DPP10: variants seen among roughly 807,000 people sequenced by gnomAD.
The protein encoded by DPP10 is dipeptidyl peptidase like 10.
A neutral mutation model predicts 120.9 loss-of-function variants in DPP10; 33 were observed. That is an observed-to-expected ratio of 0.27 (90% CI 0.21 to 0.37). DPP10 has a LOEUF of 0.37. Among genes scored for constraint, DPP10 ranks in the 10% least tolerant of loss-of-function variants. The pLI is 1.00. For missense variants in DPP10, 816 were observed against 942.8 expected, an observed-to-expected ratio of 0.87 and a Z score of 1.76; for synonymous variants, 337 against 326.1, an observed-to-expected ratio of 1.03 and a Z score of -0.36.
intron 5 of DPP10, among the ~76,000 whole-genome samples, chr2:115,567,924 C>T (rs1234724630): frequency 2.6e-5 from 4 of 152,148 alleles, no homozygotes; most frequent in Admixed American, 1.3e-4. Flanking sequence ...GCCTGTAATC[C>T]CAGCACTTTG....
intron 2 of DPP10, among the ~76,000 whole-genome samples, chr2:115,311,188 G>T (rs1391211146): frequency 6.6e-6 from 1 of 152,126 alleles, no homozygotes; most frequent in African/African-American, 2.4e-5. Flanking sequence ...CAGTAGTTTT[G>T]TGCAATTTGG....
intron 1 of DPP10, among the ~76,000 whole-genome samples, chr2:114,454,535 T>C (rs971083219): frequency 3.9e-5 from 6 of 152,210 alleles, no homozygotes; most frequent in African/African-American, 1.4e-4. Context: ...CCGCCAGCTC[T>C]AAGGAACTAG....
chr2:115,826,447 C>T (rs933126568), intron 21 of DPP10, among the ~76,000 whole-genome samples: 46 of 152,202 alleles, frequency 3.0e-4, no homozygotes, highest in African/African-American at 1.0e-3. Flanking sequence ...CTTGGCCGGG[C>T]ATGGTGGCTC....
At chr2:115,741,837 C>A (rs1243445538) in intron 9 of DPP10, among the ~76,000 whole-genome samples, 1 of 152,050 alleles carries the variant, frequency 6.6e-6, no homozygotes, top group Non-Finnish European at 1.5e-5. Context: ...CTTGGCCATG[C>A]CTAGGCCTCA....
intron 15 of DPP10, among the ~76,000 whole-genome samples, chr2:115,778,853 G>T (rs922908666): frequency 6.6e-6 from 1 of 151,932 alleles, no homozygotes; most frequent in Non-Finnish European, 1.5e-5. Context: ...CTCCTGGAAC[G>T]CATGTTCTTA....
intron 1 of DPP10, among the ~76,000 whole-genome samples, chr2:115,072,236 A>G (rs981542846): frequency 6.6e-6 from 1 of 152,226 alleles, no homozygotes; most frequent in African/African-American, 2.4e-5. Flanking sequence ...GAAGAGGCTG[A>G]CAATCAGACT....
At chr2:115,018,945 C>T (rs753848052) in intron 1 of DPP10, among the ~76,000 whole-genome samples, 7 of 151,948 alleles carry the variant, frequency 4.6e-5, no homozygotes, top group African/African-American at 1.5e-4. Context: ...CCACTTCTGC[C>T]GCTGGTCTAG....
chr2:115,698,287 A>G (rs755629173), intron 7 of DPP10, among the ~76,000 whole-genome samples: 42 of 152,198 alleles, frequency 2.8e-4, no homozygotes, highest in Non-Finnish European at 5.9e-5. Context: ...AAATTACAGA[A>G]AAATTAGAAA....
intron 12 of DPP10, among the ~76,000 whole-genome samples, chr2:115,766,016 A>G (rs1680662590): frequency 6.6e-6 from 1 of 151,968 alleles, no homozygotes; most frequent in Non-Finnish European, 1.5e-5. Context: ...TTATTAATTG[A>G]CTGATTCATT....
chr2:115,190,343 A>ATT (rs79111453), intron 1 of DPP10, among the ~76,000 whole-genome samples: 2 of 151,184 alleles, frequency 1.3e-5, no homozygotes, highest in Non-Finnish European at 2.9e-5. Flanking sequence ...TTCTTCTACA[A>ATT]TTTTTTTTTA....
intron 1 of DPP10, among the ~76,000 whole-genome samples, chr2:114,686,654 C>T (rs1699389034): frequency 1.3e-5 from 2 of 151,924 alleles, no homozygotes; most frequent in South Asian, 4.1e-4. Context: ...ACATTAGACT[C>T]ATCCCTATGA....
intron 2 of DPP10, among the ~76,000 whole-genome samples, chr2:115,333,633 T>G (rs998432772): frequency 1.5e-4 from 23 of 152,292 alleles, no homozygotes; most frequent in Admixed American, 2.6e-4. Flanking sequence ...TGACAAAATC[T>G]CTCAGCATTT....
chr2:115,374,756 A>G (rs952721106), intron 3 of DPP10, among the ~76,000 whole-genome samples: 1 of 152,206 alleles, frequency 6.6e-6, no homozygotes, highest in Non-Finnish European at 1.5e-5. Context: ...AGCCACCAAG[A>G]CTTGAGGCTT....
At chr2:115,561,132 T>A (rs1272195694) in intron 5 of DPP10, among the ~76,000 whole-genome samples, 1 of 152,034 alleles carries the variant, frequency 6.6e-6, no homozygotes, top group Non-Finnish European at 1.5e-5. Context: ...GTGGATTGTC[T>A]GAGCTCAGGA....
intron 5 of DPP10, among the ~76,000 whole-genome samples, chr2:115,582,231 C>T (rs1199241502): frequency 2.0e-5 from 3 of 151,736 alleles, no homozygotes; most frequent in African/African-American, 2.4e-5. Flanking sequence ...GCCAGCGTGT[C>T]GGAGGTGCTG....
chr2:115,387,782 A>C (rs2067049137), intron 3 of DPP10, among the ~76,000 whole-genome samples: 1 of 152,212 alleles, frequency 6.6e-6, no homozygotes, highest in African/African-American at 2.4e-5. Context: ...GTCAGTGGCT[A>C]AAGGTAAATA....
chr2:115,738,612 A>G (rs1283967946), intron 8 of DPP10, among the ~76,000 whole-genome samples: 1 of 152,110 alleles, frequency 6.6e-6, no homozygotes, highest in African/African-American at 2.4e-5. Flanking sequence ...CTCTACCTGT[A>G]TTTTATTCCA....
chr2:114,541,492 G>C (rs1018002746), intron 1 of DPP10, among the ~76,000 whole-genome samples: 3 of 152,044 alleles, frequency 2.0e-5, no homozygotes, highest in Non-Finnish European at 4.4e-5. Context: ...AGGAAAACAG[G>C]TAAGCTCCTT....
intron 1 of DPP10, among the ~76,000 whole-genome samples, chr2:114,658,279 G>A (rs898430967): frequency 6.6e-6 from 1 of 152,132 alleles, no homozygotes; most frequent in African/African-American, 2.4e-5. Flanking sequence ...TTGACATGGT[G>A]GAGAGAGTAT....
Sources: gnomAD v4.1 joint callset for allele counts (sites outside exome capture counted in the v4.1 genomes callset) on GRCh38, gnomAD v4.1.1 for gene constraint, MANE v1.5 for transcripts, NCBI Gene and HGNC (gene_info 2026-07-23, HGNC 2026-07-21) for gene names.